FKBP9: variants seen among roughly 807,000 people sequenced by gnomAD.
FKBP9 encodes FKBP prolyl isomerase 9.
FKBP9 carries 27 observed loss-of-function variants against 55.6 expected under a neutral mutation model. The observed-to-expected ratio is 0.49, with a 90% CI of 0.36 to 0.67. The LOEUF is 0.67. FKBP9 is among the 30% of genes least tolerant of loss of function. FKBP9 has a pLI of 0.00. For synonymous variants in FKBP9, 267 were observed against 296.5 expected (o/e 0.90, Z 1.02); for missense variants, 539 against 742.8 (o/e 0.73, Z 3.19).
chr7:32,966,342 C>T (rs1583841926), intron 1 of FKBP9, among the ~76,000 whole-genome samples: 2 of 151,908 alleles, frequency 1.3e-5, no homozygotes, highest in East Asian at 3.9e-4. Flanking sequence ...TTTTAAAGAG[C>T]ATCATCAGAG....
At chr7:32,972,146 C>A (rs1225214901) in intron 1 of FKBP9, among the ~76,000 whole-genome samples, 12 of 151,926 alleles carry the variant, frequency 7.9e-5, no homozygotes, top group African/African-American at 2.9e-4. Flanking sequence ...AGTGGCAGGG[C>A]GAGTCCCCAG....
intron 1 of FKBP9, among the ~76,000 whole-genome samples, chr7:32,966,568 G>A (rs1192458626): frequency 1.3e-5 from 2 of 152,136 alleles, no homozygotes; most frequent in Non-Finnish European, 2.9e-5. Context: ...ATGACTCTTT[G>A]TCTTCTGGCT....
chr7:32,987,541 A>G (rs1784603091), intron 5 of FKBP9, among the ~76,000 whole-genome samples: 1 of 151,952 alleles, frequency 6.6e-6, no homozygotes, highest in Admixed American at 6.6e-5. Flanking sequence ...AAAACAGAAT[A>G]TTCATGTCCC....
chr7:32,964,815 G>GA (rs1277539203), intron 1 of FKBP9, among the ~76,000 whole-genome samples: 12 of 152,178 alleles, frequency 7.9e-5, no homozygotes, highest in Non-Finnish European at 1.3e-4. Context: ...GTGTTAGGCA[G>GA]AAAAGCCAAA....
At chr7:32,999,202 T>C (rs370150996) in intron 7 of FKBP9, among the ~76,000 whole-genome samples, 5,648 of 151,484 alleles carry the variant, frequency 0.037, 182 homozygotes, top group African/African-American at 0.079. Context: ...CTGCCCTGGG[T>C]CCAGGGGAGG....
At chr7:32,987,246 CA>C (rs1360925606) in intron 5 of FKBP9, among the ~76,000 whole-genome samples, 1 of 152,130 alleles carries the variant, frequency 6.6e-6, no homozygotes, top group Non-Finnish European at 1.5e-5. Flanking sequence ...CCTGTAATTC[CA>C]CACTTTCGGA....
At position 32,988,519 on chromosome 7, in the gene FKBP9, C is replaced by T. The variant is rs1784618066; in HGVS notation, c.906C>T (p.Asn302=). 1.2e-6 allele frequency: 2 copies of T among 1,613,768 alleles called. No individual in the cohort carries two copies. Among genetic ancestry groups the T allele is most frequent in the South Asian group, 2.2e-5 (2 of 91,078 alleles). The change falls in exon 6 of 10, where the codon AAC becomes AAT. Residue 302 remains asparagine (N), a synonymous_variant. Transcript: ENST00000242209. ...GTLFDSSYSR[N]RTFDTYIGQG... ...TCTTCTTTTCTAGCTACTCTCGGAACCGCACGTTTGACACGTACATTGGGC... is the reference window on the plus strand; with the variant it reads ...TCTTCTTTTCTAGCTACTCTCGGAATCGCACGTTTGACACGTACATTGGGC...
At chr7:32,959,262 G>A (rs1583834940) in intron 1 of FKBP9, among the ~76,000 whole-genome samples, 1 of 152,116 alleles carries the variant, frequency 6.6e-6, no homozygotes, top group African/African-American at 2.4e-5. Context: ...AAAATTAGCC[G>A]GGCGAGGTGG....
At position 32,957,787 on chromosome 7, in the gene FKBP9, G is replaced by C. The variant is rs758124189; in HGVS notation, c.214G>C (p.Asp72His). ...GACGTTCCCCGACGGCCAGAAGTTCGACTCCAGGTACCGCGCCCTTGGCGC... is the reference window on the plus strand; with the variant it reads ...GACGTTCCCCGACGGCCAGAAGTTCCACTCCAGGTACCGCGCCCTTGGCGC... ...VGTFPDGQKF[D>H]SSYDRDSTFN... The change falls in exon 1 of 10, where the codon GAC becomes CAC. Residue 72 changes from aspartate (D) to histidine (H), a missense_variant. Physicochemically the swap from Asp to His is moderately conservative, Grantham distance 81. Coordinates refer to ENST00000242209, the MANE Select transcript of FKBP9 (RefSeq NM_007270.5). 1.4e-6 allele frequency: 2 copies of C among 1,451,152 alleles called. No homozygotes were observed. The highest frequency in any genetic ancestry group is 5.5e-5 in the East Asian group (2 of 36,188). 89.9% of individuals were successfully genotyped at this position (1,451,152 alleles called of 1,614,324 possible). A position where few individuals can be genotyped will look rare whatever the true frequency, so the allele number is the denominator to read the frequency against.
rs143003000 is a variant in FKBP9, at chr7:32,996,045, T to C, written c.1040-118T>C. On this transcript the variant is annotated intron_variant, in intron 6 of 9. Coordinates refer to ENST00000242209, the MANE Select transcript of FKBP9 (RefSeq NM_007270.5). ...CTTGGAGTCCTCCTAGGGTTCTGTA[T>C]CTGGGTGCCCGTTTTCCTCACTTGG... 505 of 766,936 alleles carry C rather than the reference T, an allele frequency of 6.6e-4. 6 individuals are homozygous for C. In the East Asian group the frequency reaches 0.011, roughly 17 times the overall value. The allele number at this position is 766,936 out of a possible 1,614,324, so 47.5% of individuals were successfully genotyped here.
chr7:33,002,436 A>G (rs1583874071), intron 8 of FKBP9, among the ~76,000 whole-genome samples: 2 of 152,118 alleles, frequency 1.3e-5, no homozygotes. Flanking sequence ...CCTGGCCTCT[A>G]TTCTATTCCT....
intron 3 of FKBP9, among the ~76,000 whole-genome samples, chr7:32,975,820 G>T (rs1784353581): frequency 6.6e-6 from 1 of 152,092 alleles, no homozygotes; most frequent in African/African-American, 2.4e-5. Context: ...CTAATTTTTT[G>T]TATTTTTAAT....
chr7:32,992,332 A>AC (rs1389950712), intron 6 of FKBP9, among the ~76,000 whole-genome samples: 2 of 85,824 alleles, frequency 2.3e-5, no homozygotes, highest in East Asian at 3.8e-4. Context: ...GAGGAAACCC[A>AC]CCCCCCGCAG....
At chr7:32,959,794 C>A (rs1331831927) in intron 1 of FKBP9, among the ~76,000 whole-genome samples, 1 of 152,098 alleles carries the variant, frequency 6.6e-6, no homozygotes, top group East Asian at 1.9e-4. Flanking sequence ...TACTTCATTC[C>A]TTTTTGTGGC....
In FKBP9 at chr7:32,957,584, G is replaced by T; in HGVS notation, c.11G>T (p.Arg4Leu). MAF[R>L]GWRPPPPPLL... ...CTTCTCGCCGCCCCGATGGCGTTCC[G>T]GGGCTGGAGGCCCCCGCCGCCACCG... The change falls in exon 1 of 10, where the codon CGG (arginine) becomes CTG (leucine). Residue 4 changes from arginine to leucine, a missense_variant. Coordinates refer to ENST00000242209, the MANE Select transcript of FKBP9 (RefSeq NM_007270.5). 6.8e-7 allele frequency: 1 copy of T among 1,467,714 alleles called. No homozygotes were observed. The highest frequency in any genetic ancestry group is 8.9e-7 in the Non-Finnish European group (1 of 1,118,768). 90.9% of individuals were successfully genotyped at this position (1,467,714 alleles called of 1,614,324 possible).
At chr7:32,957,867 T>G in intron 1 of FKBP9, 73 bp downstream of exon 1, 3 of 1,146,294 alleles carry the variant, frequency 2.6e-6, no homozygotes, top group Non-Finnish European at 3.5e-6. Context: ...CTTTCCCTCC[T>G]GCCGGACCTC....
chr7:32,964,888 G>T (rs1219842055), intron 1 of FKBP9, among the ~76,000 whole-genome samples: 2 of 152,190 alleles, frequency 1.3e-5, no homozygotes, highest in Admixed American at 6.5e-5. Flanking sequence ...TCAGCCAGCA[G>T]AGGGGGTGAG....
chr7:32,985,992 CA>C (rs944962170), intron 5 of FKBP9, among the ~76,000 whole-genome samples: 7 of 151,290 alleles, frequency 4.6e-5, no homozygotes, highest in East Asian at 1.9e-4. Context: ...GACTGTGTCT[CA>C]AAAAAAAGAA....
intron 8 of FKBP9, 112 bp from the exon 9 acceptor site, chr7:33,002,564 G>T: frequency 6.7e-7 from 1 of 1,483,544 alleles, no homozygotes; most frequent in Non-Finnish European, 9.1e-7. Flanking sequence ...TCTTGCTTTG[G>T]TCAGAAGTCC....
Sources: gnomAD v4.1 joint callset for allele counts (sites outside exome capture counted in the v4.1 genomes callset) on GRCh38, gnomAD v4.1.1 for gene constraint, MANE v1.5 for transcripts, NCBI Gene and HGNC (gene_info 2026-07-23, HGNC 2026-07-21) for gene names.